Variants in LRP1B observed in about 807,000 individuals in gnomAD.
LRP1B encodes the protein LDL receptor related protein 1B, also known as low-density lipoprotein receptor-related protein 1B.
LRP1B carries 217 observed loss-of-function variants against 556.6 expected under a neutral mutation model. That is an observed-to-expected ratio of 0.39 (90% CI 0.35 to 0.44). LRP1B has a LOEUF of 0.44. Ranked by LOEUF, LRP1B falls within the 20% of genes least tolerant of loss-of-function variation. The pLI is 1.00. For synonymous variants in LRP1B, 2,047 were observed against 1,865.8 expected, an observed-to-expected ratio of 1.10 and a Z score of -2.50; for missense variants, 5,053 against 5,620.8, an observed-to-expected ratio of 0.90 and a Z score of 3.23.
intron 7 of LRP1B, among the ~76,000 whole-genome samples, chr2:141,130,468 C>T (rs1701322369): frequency 6.6e-6 from 1 of 151,820 alleles, no homozygotes; most frequent in Non-Finnish European, 1.5e-5. Flanking sequence ...TGTTACATAC[C>T]ATGTAATTTT....
chr2:141,852,154 G>T (rs1029219347), intron 1 of LRP1B, among the ~76,000 whole-genome samples: 21 of 151,870 alleles, frequency 1.4e-4, no homozygotes, highest in African/African-American at 4.1e-4. Flanking sequence ...GGTATGGTCA[G>T]TTGCAGTGAT....
intron 67 of LRP1B, 21 bp downstream of exon 67, chr2:140,385,872 T>C: frequency 6.6e-7 from 1 of 1,520,336 alleles, no homozygotes; most frequent in Non-Finnish European, 9.1e-7. Context: ...CTCAAAACAT[T>C]ATTAGGCAAG....
intron 1 of LRP1B, among the ~76,000 whole-genome samples, chr2:141,869,222 C>A (rs890587751): frequency 3.3e-5 from 5 of 152,012 alleles, no homozygotes; most frequent in African/African-American, 1.2e-4. Flanking sequence ...TCATGTGTAG[C>A]TATTGAGCAG....
intron 27 of LRP1B, among the ~76,000 whole-genome samples, chr2:140,858,337 A>G (rs995185896): frequency 5.3e-5 from 8 of 152,044 alleles, no homozygotes; most frequent in African/African-American, 1.9e-4. Flanking sequence ...TACCGATAGT[A>G]TATAAATATA....
chr2:141,648,449 C>T (rs541832883), intron 2 of LRP1B, among the ~76,000 whole-genome samples: 4 of 152,296 alleles, frequency 2.6e-5, no homozygotes, highest in Admixed American at 2.6e-4. Context: ...TTTCTAATTC[C>T]CCTCCTTTTC....
At chr2:140,424,727 A>G (rs1685585259) in intron 66 of LRP1B, among the ~76,000 whole-genome samples, 1 of 152,180 alleles carries the variant, frequency 6.6e-6, no homozygotes, top group African/African-American at 2.4e-5. Context: ...CACACAATAC[A>G]CCAGATAGTT....
chr2:141,561,610 G>T (rs1335942879), intron 2 of LRP1B, among the ~76,000 whole-genome samples: 1 of 151,686 alleles, frequency 6.6e-6, no homozygotes, highest in African/African-American at 2.4e-5. Flanking sequence ...TTTCAGAAAG[G>T]CTAAATGTCT....
chr2:140,598,256 A>G (rs189737246), intron 43 of LRP1B, among the ~76,000 whole-genome samples: 1 of 152,258 alleles, frequency 6.6e-6, no homozygotes, highest in Non-Finnish European at 1.5e-5. Flanking sequence ...ATTCTTTTCT[A>G]ATTTTCTTTT....
chr2:141,229,458 AAG>A lies in LRP1B; in HGVS notation c.593-20_593-19del, dbSNP rs1203429911. 5 of 1,490,824 alleles carry A rather than the reference AAG, an allele frequency of 3.4e-6. No homozygotes were observed. Among genetic ancestry groups the A allele is most frequent in the Non-Finnish European group, 4.6e-6 (5 of 1,087,846 alleles). The allele number at this position is 1,490,824 out of a possible 1,614,324, so 92.3% of individuals were successfully genotyped here. On this transcript the variant is annotated intron_variant, in intron 5 of 90. Transcript: ENST00000389484. ...TGTAGGTTCTGGAATAAAATAGAAA[AAG>A]AGAAGTAAATTCAGTAAGAGTCAAG...
At chr2:140,319,356 CCTCT>C (rs1161341597) in intron 82 of LRP1B, among the ~76,000 whole-genome samples, 1 of 151,816 alleles carries the variant, frequency 6.6e-6, no homozygotes, top group Non-Finnish European at 1.5e-5. Flanking sequence ...CTCCTAAATG[CCTCT>C]CTCACCCAAA....
At chr2:141,359,660 G>A (rs1431253055) in intron 3 of LRP1B, among the ~76,000 whole-genome samples, 1 of 152,122 alleles carries the variant, frequency 6.6e-6, no homozygotes, top group African/African-American at 2.4e-5. Context: ...GGAGGCTGAG[G>A]CAGGAGAATC....
intron 32 of LRP1B, among the ~76,000 whole-genome samples, chr2:140,812,934 C>G (rs567166944): frequency 1.3e-5 from 2 of 152,204 alleles, no homozygotes; most frequent in South Asian, 4.1e-4. Flanking sequence ...ATTCAGCCAT[C>G]CTCAACAAAG....
intron 47 of LRP1B, among the ~76,000 whole-genome samples, chr2:140,532,785 CTCTTT>C (rs1184325417): frequency 6.6e-6 from 1 of 151,810 alleles, no homozygotes; most frequent in African/African-American, 2.4e-5. Flanking sequence ...ACTTGGAATT[CTCTTT>C]TGTTTCATTC....
intron 67 of LRP1B, among the ~76,000 whole-genome samples, chr2:140,383,141 A>G (rs561058319): frequency 6.6e-6 from 1 of 152,312 alleles, no homozygotes; most frequent in Admixed American, 6.5e-5. Flanking sequence ...ATGATGATAT[A>G]GGTTGATTTA....
At chr2:141,081,314 T>C (rs1699916797) in intron 7 of LRP1B, among the ~76,000 whole-genome samples, 2 of 152,186 alleles carry the variant, frequency 1.3e-5, no homozygotes, top group Admixed American at 1.3e-4. Flanking sequence ...GAGTAACTGC[T>C]ACACTTCACT....
intron 30 of LRP1B, among the ~76,000 whole-genome samples, chr2:140,840,435 A>G (rs149438936): frequency 2.0e-5 from 3 of 152,210 alleles, no homozygotes; most frequent in African/African-American, 7.2e-5. Flanking sequence ...CAGATGCCAT[A>G]GAGGGTAACA....
At chr2:140,954,500 T>A (rs946370251) in intron 18 of LRP1B, among the ~76,000 whole-genome samples, 9 of 152,030 alleles carry the variant, frequency 5.9e-5, no homozygotes, top group Non-Finnish European at 8.8e-5. Flanking sequence ...AAAAAATAAA[T>A]CATCCTAAGC....
intron 67 of LRP1B, among the ~76,000 whole-genome samples, chr2:140,384,388 T>C (rs1480328464): frequency 1.3e-5 from 2 of 152,166 alleles, no homozygotes; most frequent in Non-Finnish European, 2.9e-5. Context: ...CCGTCAGAAT[T>C]TTATTTTAAT....
intron 66 of LRP1B, among the ~76,000 whole-genome samples, chr2:140,425,315 A>G (rs542341397): frequency 1.8e-3 from 268 of 152,306 alleles, no homozygotes; most frequent in African/African-American, 6.2e-3. Flanking sequence ...ATTACAATCT[A>G]TAATAGATCA....
Sources: allele counts gnomAD v4.1 joint callset (sites outside exome capture counted in the v4.1 genomes callset), GRCh38; gene constraint gnomAD v4.1.1; transcripts MANE v1.5; gene names NCBI Gene and HGNC (gene_info 2026-07-23, HGNC 2026-07-21).